Variants in FRAS1 observed in about 807,000 individuals in gnomAD.
FRAS1 encodes the protein extracellular matrix organizing protein FRAS1.
Under a neutral mutation model 435.2 loss-of-function variants are expected in FRAS1, and 290 were observed. The observed-to-expected ratio is 0.67, with a 90% CI of 0.61 to 0.73. The LOEUF is 0.73. Ranked by LOEUF, FRAS1 falls within the 30% of genes least tolerant of loss-of-function variation. FRAS1 has a pLI of 0.00. For synonymous variants in FRAS1, 1,800 were observed against 1,851.0 expected (o/e 0.97, Z 0.71); for missense variants, 4,860 against 5,001.5 (o/e 0.97, Z 0.85).
chr4:78,475,071 T>G (rs1409965856), intron 53 of FRAS1, among the ~76,000 whole-genome samples: 1 of 152,188 alleles, frequency 6.6e-6, no homozygotes, highest in Admixed American at 6.5e-5. Flanking sequence ...CTTTCTTCCC[T>G]AAGAACCCAC....
intron 2 of FRAS1, among the ~76,000 whole-genome samples, chr4:78,187,616 T>C (rs1722328342): frequency 6.6e-6 from 1 of 152,076 alleles, no homozygotes. Context: ...TTCTTTTCTT[T>C]TTTCTGAGAT....
Position 78,387,319 on chromosome 4 carries a change from A to G in FRAS1, c.3649-56A>G, listed in dbSNP as rs181328259. The G allele has an allele frequency of 1.4e-5, 18 of 1,310,824 alleles. No individual in the cohort carries two copies. The South Asian group carries it at 2.4e-4, about 17-fold the overall frequency. The allele number at this position is 1,310,824 out of a possible 1,614,324, so 81.2% of individuals were successfully genotyped here. Reference sequence around the variant, plus strand: ...GGAATAACAATCAGGTATCTAGTCCACTGGATTGTCCTTTCTTTCCCTCTT... The same window carrying G: ...GGAATAACAATCAGGTATCTAGTCCGCTGGATTGTCCTTTCTTTCCCTCTT... On this transcript the variant is annotated intron_variant, in intron 28 of 73. Coordinates refer to ENST00000512123, the MANE Select transcript of FRAS1 (RefSeq NM_025074.7).
intron 41 of FRAS1, 31 bp from the exon 42 acceptor site, chr4:78,445,491 A>G (rs758823242): frequency 6.7e-7 from 1 of 1,502,296 alleles, no homozygotes. Context: ...TGATAGATCA[A>G]GGTAAAAATG....
chr4:78,211,673 A>C (rs1270537607), intron 2 of FRAS1, among the ~76,000 whole-genome samples: 1 of 151,700 alleles, frequency 6.6e-6, no homozygotes. Flanking sequence ...GACATTAAGT[A>C]ATCCCCTCTT....
At chr4:78,301,944 G>C (rs1728428493) in intron 14 of FRAS1, among the ~76,000 whole-genome samples, 2 of 149,436 alleles carry the variant, frequency 1.3e-5, no homozygotes, top group Non-Finnish European at 1.5e-5. Context: ...ATGCTGGTGC[G>C]CTGCACCCTC....
chr4:78,501,673 C>T (rs60285643), intron 61 of FRAS1, among the ~76,000 whole-genome samples: 50,013 of 151,982 alleles, frequency 0.33, 8,969 homozygotes, highest in South Asian at 0.52. Flanking sequence ...TGGCATGAGA[C>T]GGTATCTCAT....
rs1741389170 is a variant in FRAS1 at position 78,089,478 on chromosome 4, TG to T, written c.108+23464del. Among the ~76,000 whole-genome samples the T allele has an allele frequency of 2.0e-5, 3 of 152,242 alleles. No homozygotes were observed. In the South Asian group the frequency reaches 6.2e-4, roughly 32 times the overall value. On this transcript the variant is annotated intron_variant, in intron 2 of 73. Coordinates refer to ENST00000512123, the MANE Select transcript of FRAS1 (RefSeq NM_025074.7). ...CAGTATGTTAAGAAATGTCACAGAT[TG>T]GCAGAACCCAAGGGGCCTTTGTATT...
At chr4:78,329,446 C>G (rs563532765) in intron 18 of FRAS1, among the ~76,000 whole-genome samples, 1 of 152,340 alleles carries the variant, frequency 6.6e-6, no homozygotes, top group East Asian at 1.9e-4. Context: ...ATTACAGTCA[C>G]TGCAATGGCC....
intron 3 of FRAS1, among the ~76,000 whole-genome samples, chr4:78,241,024 G>A (rs972100460): frequency 8.5e-5 from 13 of 152,144 alleles, no homozygotes; most frequent in South Asian, 8.3e-4. Context: ...CGGTGGCCAC[G>A]CTGAGGTTGA....
chr4:78,496,988 C>T, intron 60 of FRAS1, 27 bp downstream of exon 60: 1 of 1,591,272 alleles, frequency 6.3e-7, no homozygotes. Context: ...TCTTTAGTTA[C>T]TCTTAGGTTG....
chr4:78,194,997 T>A (rs758551172), intron 2 of FRAS1, among the ~76,000 whole-genome samples: 5 of 152,206 alleles, frequency 3.3e-5, no homozygotes, highest in African/African-American at 4.8e-5. Context: ...AACAGTCAGG[T>A]CCCTCAGCTG....
chr4:78,361,880 C>T (rs1413932055), intron 20 of FRAS1, among the ~76,000 whole-genome samples: 1 of 152,152 alleles, frequency 6.6e-6, no homozygotes, highest in Non-Finnish European at 1.5e-5. Context: ...CTAGATCTTA[C>T]TCCTTTTTCA....
At chr4:78,270,119 A>G (rs1178905658) in intron 9 of FRAS1, among the ~76,000 whole-genome samples, 1 of 152,230 alleles carries the variant, frequency 6.6e-6, no homozygotes, top group East Asian at 1.9e-4. Flanking sequence ...GTCAAATACT[A>G]ATTGGAGTGA....
At chr4:78,478,683 CA>C (rs1719923053) in intron 55 of FRAS1, among the ~76,000 whole-genome samples, 1 of 152,194 alleles carries the variant, frequency 6.6e-6, no homozygotes, top group South Asian at 2.1e-4. Flanking sequence ...ATTGAACCCC[CA>C]TTCAAAGGCA....
chr4:78,500,115 A>T (rs1201226714), intron 61 of FRAS1, among the ~76,000 whole-genome samples, 194 bp downstream of exon 61: 1 of 152,242 alleles, frequency 6.6e-6, no homozygotes, highest in Non-Finnish European at 1.5e-5. Flanking sequence ...AAAAAGAAAT[A>T]GGTCTCTTAC....
rs773736841 is a variant in FRAS1, at chr4:78,438,551, C to T, written c.5218-19C>T. The T allele has an allele frequency of 6.2e-7, 1 of 1,613,524 alleles. No homozygotes were observed. The highest frequency in any genetic ancestry group is 1.1e-5 in the South Asian group (1 of 90,922). ...CTGCAAATGTGCGTTCATGTCCTGCCTCATGTTTGCCTCATTAGGATGATT... is the reference window on the plus strand; with the variant it reads ...CTGCAAATGTGCGTTCATGTCCTGCTTCATGTTTGCCTCATTAGGATGATT... On this transcript the variant is annotated intron_variant, in intron 38 of 73. Coordinates refer to ENST00000512123, the MANE Select transcript of FRAS1 (RefSeq NM_025074.7).
intron 2 of FRAS1, among the ~76,000 whole-genome samples, chr4:78,129,611 C>T (rs1365852319): frequency 6.6e-6 from 1 of 152,104 alleles, no homozygotes; most frequent in Non-Finnish European, 1.5e-5. Context: ...ATGCACAGAA[C>T]AGGGTAGCTG....
intron 9 of FRAS1, among the ~76,000 whole-genome samples, chr4:78,277,853 C>T (rs1233064605): frequency 1.3e-5 from 2 of 151,804 alleles, no homozygotes; most frequent in East Asian, 3.9e-4. Flanking sequence ...TCACTGTCAC[C>T]CAGGCTGGAG....
At chr4:78,472,122 G>GTTTAA in intron 51 of FRAS1, 58 bp from the exon 52 acceptor site, 1 of 1,525,528 alleles carries the variant, frequency 6.6e-7, no homozygotes, top group East Asian at 2.3e-5. Context: ...GAGTCAGAGG[G>GTTTAA]TCTTGTTCCT....
Sources: gnomAD v4.1 joint callset for allele counts (sites outside exome capture counted in the v4.1 genomes callset) on GRCh38, gnomAD v4.1.1 for gene constraint, MANE v1.5 for transcripts, NCBI Gene and HGNC (gene_info 2026-07-23, HGNC 2026-07-21) for gene names.